The following CHRNB4 variants were observed in gnomAD, a reference collection of about 807,000 sequenced individuals.
The protein encoded by CHRNB4 is cholinergic receptor nicotinic beta 4 subunit.
CHRNB4 carries 23 observed loss-of-function variants against 40.4 expected under a neutral mutation model. The observed-to-expected ratio is 0.57, with a 90% CI of 0.41 to 0.81. The LOEUF is 0.81. CHRNB4 is among the 30% of genes least tolerant of loss of function. CHRNB4 has a pLI of 0.00. For synonymous variants in CHRNB4, 285 were observed against 274.4 expected, an observed-to-expected ratio of 1.04 and a Z score of -0.38; for missense variants, 568 against 670.6, an observed-to-expected ratio of 0.85 and a Z score of 1.69.
At chr15:78,656,671 GAAGAT>G (rs1481930356) in exon 4 of CHRNB4, 1 of 152,212 alleles carries the variant, frequency 6.6e-6, no homozygotes, top group African/African-American at 2.4e-5. Flanking sequence ...AAACGCTGTA[GAAGAT>G]AAGATGTCAA....
At chr15:78,638,215 C>T (rs1243580052) in intron 1 of CHRNB4, among the ~76,000 whole-genome samples, 1 of 152,216 alleles carries the variant, frequency 6.6e-6, no homozygotes, top group Non-Finnish European at 1.5e-5. Context: ...GGCTCATGCT[C>T]CAGCTCCGAG....
In CHRNB4 at chr15:78,625,150, C is replaced by T. The variant is rs199682566; in HGVS notation, c.1480G>A (p.Ala494Thr). Residue 494 changes from alanine to threonine, a missense_variant, in exon 6 of 6, where the codon GCT becomes ACT. Physicochemically the swap from Ala to Thr is moderately conservative, Grantham distance 58. Transcript: ENST00000261751. The part of the protein sequence containing the change: ...QTHAASEGPY[A>T]AQRD ...GGGGGCCCTCAGTCACGCTGGGCAG[C>T]GTAGGGCCCCTCAGAAGCTGCATGG... The T allele has an allele frequency of 4.3e-5, 70 of 1,614,040 alleles. No individual in the cohort carries two copies. The highest frequency in any genetic ancestry group is 1.1e-4 in the South Asian group (10 of 91,080).
chr15:78,647,273 T>C (rs1386935668), intron 7 of CHRNB4, among the ~76,000 whole-genome samples: 1 of 152,096 alleles, frequency 6.6e-6, no homozygotes. Context: ...TTAGAAGATA[T>C]TTGCAATTCA....
At chr15:78,644,022 G>A (rs2054103896), upstream of CHRNB4, among the ~76,000 whole-genome samples, 1 of 150,180 alleles carries the variant, frequency 6.7e-6, no homozygotes, top group Admixed American at 6.6e-5. Flanking sequence ...AATTAGCTGG[G>A]CATGGTGGCG....
intron 5 of CHRNB4, among the ~76,000 whole-genome samples, chr15:78,653,791 T>G (rs976483967): frequency 7.2e-5 from 11 of 152,216 alleles, no homozygotes; most frequent in Non-Finnish European, 1.5e-4. Flanking sequence ...TTGTTAGATC[T>G]GGCATGGCAA....
At chr15:78,636,612 C>CT (rs377161406) in intron 1 of CHRNB4, among the ~76,000 whole-genome samples, 2,237 of 143,334 alleles carry the variant, frequency 0.016, 24 homozygotes, top group African/African-American at 0.033. Flanking sequence ...CTGTTTTTTC[C>CT]TTTTTTTTTT....
Position 78,629,055 on chromosome 15 carries a change from G to A in CHRNB4, c.1250C>T (p.Ser417Phe). The A allele has an allele frequency of 6.2e-7, 1 of 1,614,174 alleles. No homozygotes were observed. Among genetic ancestry groups the A allele is most frequent in the Non-Finnish European group, 8.5e-7 (1 of 1,180,046 alleles). ...AIPRDFWLRS[S>F]GRFRQDVQEA... ...CTGCACATCCTGTCGGAACCTCCCA[G>A]AGGACCGCAGCCAGAAATCCCTGGG... Residue 417 changes from serine to phenylalanine, a missense_variant, in exon 5 of 6, where the codon TCT becomes TTT. Coordinates refer to ENST00000261751, the MANE Select transcript of CHRNB4 (RefSeq NM_000750.5). The surrounding 1 kb of genome is among the most constrained non-coding windows in gnomAD (Gnocchi z 6.8).
intron 1 of CHRNB4, among the ~76,000 whole-genome samples, chr15:78,637,936 C>A (rs1223457930): frequency 6.6e-6 from 1 of 152,186 alleles, no homozygotes; most frequent in Non-Finnish European, 1.5e-5. Flanking sequence ...TGCTTGAGTA[C>A]CCTGGAAGCC....
intron 5 of CHRNB4, 122 bp from the exon 6 acceptor site, chr15:78,625,413 G>A: frequency 3.3e-6 from 3 of 911,856 alleles, no homozygotes; most frequent in South Asian, 5.0e-5. Flanking sequence ...CTGCATACTA[G>A]GGGGGCAAGT....
At chr15:78,636,984 G>A (rs2053964257) in intron 1 of CHRNB4, among the ~76,000 whole-genome samples, 1 of 152,176 alleles carries the variant, frequency 6.6e-6, no homozygotes, top group African/African-American at 2.4e-5. Context: ...CTTTCCCTAA[G>A]AAGAAACAGA....
intron 6 of CHRNB4, among the ~76,000 whole-genome samples, chr15:78,651,891 G>A (rs929963517): frequency 6.6e-6 from 1 of 152,166 alleles, no homozygotes; most frequent in Non-Finnish European, 1.5e-5. Context: ...TGCCCCACAC[G>A]AGCCCAAAAG....
At chr15:78,659,112 A>G (rs996947366) in intron 1 of CHRNB4, among the ~76,000 whole-genome samples, 12 of 152,158 alleles carry the variant, frequency 7.9e-5, no homozygotes, top group Admixed American at 7.2e-4. Context: ...GTGGGGGTGT[A>G]AGATGGGGAG....
intron 6 of CHRNB4, among the ~76,000 whole-genome samples, chr15:78,650,970 G>A (rs184809019): frequency 4.0e-4 from 61 of 152,278 alleles, no homozygotes; most frequent in African/African-American, 1.3e-3. Flanking sequence ...TGCAGAAAAT[G>A]ATGGCATTAG....
chr15:78,641,976 C>G (rs67426328), upstream of CHRNB4, among the ~76,000 whole-genome samples: 42,245 of 152,224 alleles, frequency 0.28, 7,510 homozygotes, highest in Non-Finnish European at 0.4. Context: ...AGAAGGGCCT[C>G]TGGCAGCTTC....
upstream of CHRNB4, chr15:78,661,273 G>A (rs1207508762): frequency 5.0e-6 from 3 of 602,414 alleles, no homozygotes; most frequent in African/African-American, 5.5e-5. Flanking sequence ...CCCGCCCTGA[G>A]GATGCGGCGG....
chr15:78,632,266 T>G (rs28541294), intron 2 of CHRNB4, among the ~76,000 whole-genome samples: 2,526 of 111,256 alleles, frequency 0.023, 111 homozygotes, highest in African/African-American at 0.077. Context: ...TTTCTTTCTT[T>G]CTTTCTTTCT....
In CHRNB4 at chr15:78,635,461, G is replaced by A. The variant is rs1381387028; in HGVS notation, c.182C>T (p.Ser61Phe). The change falls in exon 2 of 6, where the codon TCC becomes TTC. Residue 61 changes from serine (S) to phenylalanine (F), a missense_variant. Around this residue, in one of 4 missense-constraint regions of CHRNB4, gnomAD observed 161 missense variants for 148.1 expected, o/e 1.09. Transcript: ENST00000261751. ...SQLISIKLQL[S>F]LAQLISVNER... ...TACCACGCTGATAAGCTGGGCCAGGGAGAGCTGCAGCTTGATGGAGATGAG... is the reference window on the plus strand; with the variant it reads ...TACCACGCTGATAAGCTGGGCCAGGAAGAGCTGCAGCTTGATGGAGATGAG... 2.5e-6 allele frequency: 4 copies of A among 1,614,084 alleles called. No homozygotes were observed. The highest frequency in any genetic ancestry group is 3.4e-6 in the Non-Finnish European group (4 of 1,179,998).
chr15:78,647,688 TCCAAAA>T (rs1428710633), intron 7 of CHRNB4, among the ~76,000 whole-genome samples: 5 of 60,470 alleles, frequency 8.3e-5, no homozygotes, highest in African/African-American at 2.6e-4. Context: ...CTACTAAAAA[TCCAAAA>T]AAAAAAAAAA....
Position 78,639,191 on chromosome 15 carries a change from A to T in CHRNB4, c.55+1888T>A, listed in dbSNP as rs1017143787. Among the ~76,000 whole-genome samples the T allele has an allele frequency of 3.9e-5, 6 of 152,252 alleles. No homozygotes were observed. The East Asian group carries it at 1.2e-3, about 29-fold the overall frequency. On this transcript the variant is annotated intron_variant, in intron 1 of 5. Coordinates refer to ENST00000261751, the MANE Select transcript of CHRNB4 (RefSeq NM_000750.5). ...AGAAAGTAACAGTTAACAGAATCTTATTGGAAAGATTAGATTCTGCATCTG... is the reference window on the plus strand; with the variant it reads ...AGAAAGTAACAGTTAACAGAATCTTTTTGGAAAGATTAGATTCTGCATCTG...
Sources: allele counts gnomAD v4.1 joint callset (sites outside exome capture counted in the v4.1 genomes callset), GRCh38; gene constraint gnomAD v4.1.1; regional missense constraint gnomAD v4.1.1; non-coding constraint Gnocchi (gnomAD v3.1); transcripts MANE v1.5; gene names NCBI Gene and HGNC (gene_info 2026-07-23, HGNC 2026-07-21).